GALM: variants seen among roughly 807,000 people sequenced by gnomAD.
GALM encodes galactose mutarotase, also known as aldose 1-epimerase.
In GALM, 43 loss-of-function variants were observed where a neutral mutation model predicts 37.4. The ratio of observed to expected loss-of-function variants is 1.15; its 90% confidence interval spans 0.90 to 1.48. The LOEUF (loss-of-function observed/expected upper bound fraction) is 1.48. Ranked by LOEUF, GALM falls within the 40% of genes most tolerant of loss-of-function variation. GALM has a pLI of 0.00. For synonymous variants in GALM, 199 were observed against 170.6 expected (o/e 1.17, Z -1.30); for missense variants, 456 against 419.1 (o/e 1.09, Z -0.77).
intron 4 of GALM, among the ~76,000 whole-genome samples, chr2:38,720,250 C>G (rs1666350666): frequency 6.6e-6 from 1 of 151,864 alleles, no homozygotes; most frequent in Admixed American, 6.6e-5. Context: ...TAATCTGTCT[C>G]TTCCACCAGA....
intron 2 of GALM, among the ~76,000 whole-genome samples, chr2:38,680,630 CAG>C (rs1665372267): frequency 6.6e-6 from 1 of 151,610 alleles, no homozygotes. Flanking sequence ...CCCTAGGAGA[CAG>C]GGGCTGATTT....
At chr2:38,730,082 A>G (rs939244223) in intron 5 of GALM, among the ~76,000 whole-genome samples, 1 of 152,186 alleles carries the variant, frequency 6.6e-6, no homozygotes, top group Non-Finnish European at 1.5e-5. Context: ...GAGGCTAGGC[A>G]TCTCCTGCAG....
At chr2:38,672,440 A>G (rs969023261) in intron 1 of GALM, among the ~76,000 whole-genome samples, 1 of 152,212 alleles carries the variant, frequency 6.6e-6, no homozygotes, top group Admixed American at 6.5e-5. Context: ...CAGAAAGAGA[A>G]GAAGGTGGGG....
At chr2:38,720,264 TAGGCTTTCTG>T (rs1457002365) in intron 4 of GALM, among the ~76,000 whole-genome samples, 4 of 152,098 alleles carry the variant, frequency 2.6e-5, no homozygotes, top group African/African-American at 9.7e-5. Context: ...CACCAGATTC[TAGGCTTTCTG>T]AGGTCAGTTT....
chr2:38,673,703 G>A (rs1472268398), intron 1 of GALM, among the ~76,000 whole-genome samples: 1 of 151,880 alleles, frequency 6.6e-6, no homozygotes, highest in Non-Finnish European at 1.5e-5. Flanking sequence ...CCAGCTACTC[G>A]GGAGGCTGAG....
chr2:38,728,298 G>A (rs1308601331), intron 4 of GALM, among the ~76,000 whole-genome samples: 1 of 151,944 alleles, frequency 6.6e-6, no homozygotes, highest in Non-Finnish European at 1.5e-5. Context: ...GGAGGCTGAG[G>A]TGGGAGAATC....
chr2:38,727,814 C>G (rs1398077921), intron 4 of GALM, among the ~76,000 whole-genome samples: 1 of 151,968 alleles, frequency 6.6e-6, no homozygotes, highest in Non-Finnish European at 1.5e-5. Context: ...TTTAGGAACC[C>G]ACAAAAGCAG....
chr2:38,681,176 G>A (rs556491578), intron 2 of GALM, 104 bp from the exon 3 acceptor site: 5 of 931,482 alleles, frequency 5.4e-6, no homozygotes, highest in East Asian at 4.8e-5. Context: ...TTAATTGATT[G>A]TATAACCATT....
intron 3 of GALM, among the ~76,000 whole-genome samples, chr2:38,688,841 A>T (rs144650089): frequency 9.3e-4 from 142 of 152,208 alleles, no homozygotes; most frequent in African/African-American, 3.3e-3. Context: ...TTTGAGATGG[A>T]GTTTTGCTCT....
chr2:38,708,043 G>T (rs1409104230), intron 4 of GALM, among the ~76,000 whole-genome samples: 1 of 151,976 alleles, frequency 6.6e-6, no homozygotes, highest in Non-Finnish European at 1.5e-5. Context: ...GGAGACGGAG[G>T]TTGCAGTGAG....
At chr2:38,673,982 G>A (rs1384468620) in intron 1 of GALM, among the ~76,000 whole-genome samples, 3 of 152,064 alleles carry the variant, frequency 2.0e-5, no homozygotes, top group African/African-American at 7.2e-5. Context: ...GTGTGTTTGT[G>A]TATTTATATA....
At chr2:38,703,623 C>T (rs570424462) in intron 4 of GALM, among the ~76,000 whole-genome samples, 160 of 152,256 alleles carry the variant, frequency 1.1e-3, no homozygotes, top group Middle Eastern at 6.8e-3. Context: ...AAAGACCGCA[C>T]AGAATCTCTA....
At chr2:38,671,575 C>T (rs964212544) in intron 1 of GALM, among the ~76,000 whole-genome samples, 2 of 152,144 alleles carry the variant, frequency 1.3e-5, no homozygotes, top group African/African-American at 4.8e-5. Context: ...GATTACAATT[C>T]GAGATGAGAT....
At chr2:38,715,061 T>C (rs1194556020) in intron 4 of GALM, among the ~76,000 whole-genome samples, 1 of 152,222 alleles carries the variant, frequency 6.6e-6, no homozygotes, top group Non-Finnish European at 1.5e-5. Context: ...GAATACATAT[T>C]TACAATTGTC....
intron 4 of GALM, among the ~76,000 whole-genome samples, chr2:38,691,113 G>T (rs117021296): frequency 1.3e-5 from 2 of 152,088 alleles, no homozygotes; most frequent in African/African-American, 4.8e-5. Flanking sequence ...GAACTGCAAG[G>T]AAAAAATAGT....
chr2:38,710,753 C>CTTTTT (rs531054454), intron 4 of GALM, among the ~76,000 whole-genome samples: 1 of 133,422 alleles, frequency 7.5e-6, no homozygotes, highest in African/African-American at 2.7e-5. Flanking sequence ...TCATTTCCTT[C>CTTTTT]TTTTTTTTTT....
chr2:38,732,107 G>A (rs541367392), intron 6 of GALM, among the ~76,000 whole-genome samples, 198 bp downstream of exon 6: 5 of 152,030 alleles, frequency 3.3e-5, no homozygotes, highest in African/African-American at 9.6e-5. Flanking sequence ...TGCAACCTCC[G>A]CCTCCTGGGC....
Position 38,666,185 on chromosome 2 carries a change from G to A in GALM, c.24G>A (p.Val8=). Residue 8 remains valine, a synonymous_variant, in exon 1 of 7, where the codon GTG becomes GTA. Coordinates refer to ENST00000272252, the MANE Select transcript of GALM (RefSeq NM_138801.3). MASVTRA[V]FGELPSGGGT... ...CTATGGCTTCGGTGACCAGGGCCGT[G>A]TTTGGAGAGCTGCCCTCGGGAGGAG... 6.2e-7 allele frequency: 1 copy of A among 1,613,558 alleles called. No individual in the cohort carries two copies. The highest frequency in any genetic ancestry group is 1.1e-5 in the South Asian group (1 of 91,024).
At chr2:38,676,732 C>T (rs1293420336) in intron 2 of GALM, among the ~76,000 whole-genome samples, 1 of 152,162 alleles carries the variant, frequency 6.6e-6, no homozygotes, top group Admixed American at 6.5e-5. Flanking sequence ...CACTGCACTC[C>T]AGCCTGGGCA....
Sources: allele counts gnomAD v4.1 joint callset (sites outside exome capture counted in the v4.1 genomes callset), GRCh38; gene constraint gnomAD v4.1.1; transcripts MANE v1.5; gene names NCBI Gene and HGNC (gene_info 2026-07-23, HGNC 2026-07-21).